The following SLC14A2 variants were observed in gnomAD, a reference collection of about 807,000 sequenced individuals.
SLC14A2 encodes solute carrier family 14 member 2.
Under a neutral mutation model 104.6 loss-of-function variants are expected in SLC14A2, and 91 were observed. The ratio of observed to expected loss-of-function variants is 0.87; its 90% confidence interval spans 0.73 to 1.04. SLC14A2 has a LOEUF of 1.04. Ranked by LOEUF, SLC14A2 falls within the 50% of genes least tolerant of loss-of-function variation. The pLI, the probability that SLC14A2 is intolerant of heterozygous loss-of-function variation, is 0.00. For missense variants in SLC14A2, 1,189 were observed against 1,156.0 expected, an observed-to-expected ratio of 1.03 and a Z score of -0.41; for synonymous variants, 476 against 466.4, an observed-to-expected ratio of 1.02 and a Z score of -0.27.
chr18:45,548,514 G>A (rs930320779), intron 2 of SLC14A2, among the ~76,000 whole-genome samples: 5 of 152,106 alleles, frequency 3.3e-5, no homozygotes, highest in Admixed American at 2.0e-4. Context: ...GACCAGGCTG[G>A]GCAACAAAGT....
intron 1 of SLC14A2, among the ~76,000 whole-genome samples, chr18:45,257,788 G>T (rs1430272146): frequency 6.6e-6 from 1 of 152,128 alleles, no homozygotes; most frequent in Non-Finnish European, 1.5e-5. Context: ...TATTACCTAG[G>T]TTGGCTAAAG....
chr18:45,371,051 C>A (rs2085717496), intron 1 of SLC14A2, among the ~76,000 whole-genome samples: 1 of 152,068 alleles, frequency 6.6e-6, no homozygotes, highest in Non-Finnish European at 1.5e-5. Context: ...TCTGTTGTAC[C>A]CCAAGGCAAA....
chr18:45,576,174 G>C (rs2144348452), intron 2 of SLC14A2, among the ~76,000 whole-genome samples: 1 of 151,268 alleles, frequency 6.6e-6, no homozygotes. Flanking sequence ...TAGTATGATT[G>C]TCTCTCCTGG....
chr18:45,479,292 T>C (rs1202018633), intron 1 of SLC14A2, among the ~76,000 whole-genome samples: 10 of 152,164 alleles, frequency 6.6e-5, no homozygotes, highest in Admixed American at 6.5e-4. Flanking sequence ...AAAGAGAAAA[T>C]GCTCAATTAA....
intron 2 of SLC14A2, among the ~76,000 whole-genome samples, chr18:45,559,359 G>C (rs1216419286): frequency 6.6e-6 from 1 of 152,202 alleles, no homozygotes; most frequent in Non-Finnish European, 1.5e-5. Context: ...TGAGATTTGA[G>C]TTGGGCTCTG....
intron 1 of SLC14A2, among the ~76,000 whole-genome samples, chr18:45,362,619 A>AT (rs768666436): frequency 1.2e-3 from 183 of 152,324 alleles, no homozygotes; most frequent in Non-Finnish European, 2.2e-3. Flanking sequence ...CAAGTTTAAA[A>AT]TATCACACTA....
intron 1 of SLC14A2, among the ~76,000 whole-genome samples, chr18:45,391,894 G>C (rs1285049504): frequency 1.3e-5 from 2 of 152,210 alleles, no homozygotes; most frequent in East Asian, 1.9e-4. Context: ...CACTCTGATG[G>C]TGGTTTCTTT....
intron 1 of SLC14A2, among the ~76,000 whole-genome samples, chr18:45,252,244 A>G (rs2084431056): frequency 6.6e-6 from 1 of 152,194 alleles, no homozygotes; most frequent in African/African-American, 2.4e-5. Flanking sequence ...TCATGAGAAG[A>G]TTTGAAATCT....
chr18:45,577,940 T>C (rs1476546901), intron 2 of SLC14A2, among the ~76,000 whole-genome samples: 1 of 152,162 alleles, frequency 6.6e-6, no homozygotes, highest in Non-Finnish European at 1.5e-5. Flanking sequence ...GAAGGCTCCA[T>C]GGAAAAGGTG....
At chr18:45,218,286 A>G (rs2084028648) in intron 1 of SLC14A2, among the ~76,000 whole-genome samples, 2 of 152,208 alleles carry the variant, frequency 1.3e-5, no homozygotes, top group Admixed American at 6.5e-5. Flanking sequence ...GTTCTAGCTT[A>G]TTTGGCTTAG....
At chr18:45,279,675 G>T (rs966059801) in intron 1 of SLC14A2, among the ~76,000 whole-genome samples, 1 of 152,110 alleles carries the variant, frequency 6.6e-6, no homozygotes, top group Non-Finnish European at 1.5e-5. Context: ...AGCAGGTGAT[G>T]ACTTTTGAGG....
chr18:45,582,870 C>A (rs149492626), intron 2 of SLC14A2, among the ~76,000 whole-genome samples: 11 of 152,300 alleles, frequency 7.2e-5, no homozygotes, highest in African/African-American at 2.6e-4. Context: ...CAAAATGGAA[C>A]CACTGCCTGC....
chr18:45,475,663 ATATATATATATATATATATATATATG>A, intron 1 of SLC14A2, among the ~76,000 whole-genome samples: 1 of 101,814 alleles, frequency 9.8e-6, no homozygotes, highest in Admixed American at 9.5e-5. Flanking sequence ...ATATATATAT[ATATATATATATATATATATATATATG>A]ATAGTTATCT....
chr18:45,252,657 C>T (rs1044552750), intron 1 of SLC14A2, among the ~76,000 whole-genome samples: 5 of 152,176 alleles, frequency 3.3e-5, no homozygotes, highest in Admixed American at 6.5e-5. Flanking sequence ...GAAACCCTCA[C>T]GGTTCTAGAT....
intron 2 of SLC14A2, among the ~76,000 whole-genome samples, chr18:45,534,011 A>G (rs2043741148): frequency 6.6e-6 from 1 of 152,202 alleles, no homozygotes; most frequent in Admixed American, 6.5e-5. Context: ...AAACAAACAA[A>G]AAACCTTGTT....
At chr18:45,406,977 T>C (rs1396504176) in intron 1 of SLC14A2, among the ~76,000 whole-genome samples, 1 of 152,114 alleles carries the variant, frequency 6.6e-6, no homozygotes, top group Non-Finnish European at 1.5e-5. Flanking sequence ...GGCCCTGGGA[T>C]TTTCACAGTG....
intron 1 of SLC14A2, among the ~76,000 whole-genome samples, chr18:45,351,859 G>A (rs1042501331): frequency 1.3e-5 from 2 of 152,174 alleles, no homozygotes; most frequent in Non-Finnish European, 1.5e-5. Flanking sequence ...AAAGGGAGCA[G>A]GTGGAACACT....
At chr18:45,568,571 T>G (rs2044300242) in intron 2 of SLC14A2, among the ~76,000 whole-genome samples, 1 of 152,240 alleles carries the variant, frequency 6.6e-6, no homozygotes, top group African/African-American at 2.4e-5. Context: ...AGCCACAGAA[T>G]TAATTGCTGA....
At chr18:45,421,080 A>G (rs2255376) in intron 1 of SLC14A2, among the ~76,000 whole-genome samples, 40,575 of 151,954 alleles carry the variant, frequency 0.27, 5,651 homozygotes, top group South Asian at 0.45. Context: ...AAAGTTCTGC[A>G]TCCTTTCCCT....
Sources: allele counts gnomAD v4.1 joint callset (sites outside exome capture counted in the v4.1 genomes callset), GRCh38; gene constraint gnomAD v4.1.1; transcripts MANE v1.5; gene names NCBI Gene and HGNC (gene_info 2026-07-23, HGNC 2026-07-21).